Variants in UBXN7 observed in about 807,000 individuals in gnomAD.
UBXN7 encodes the protein UBX domain protein 7, also known as UBX domain-containing protein 7.
UBXN7 carries 9 observed loss-of-function variants against 58.0 expected under a neutral mutation model. The observed-to-expected ratio is 0.16, with a 90% confidence interval of 0.09 to 0.27. UBXN7 has a LOEUF of 0.27. Ranked by LOEUF, UBXN7 falls within the 10% of genes least tolerant of loss-of-function variation. The probability of loss-of-function intolerance (pLI) is 1.00; values close to 1 mark genes in which losing one functional copy is unlikely to be tolerated. For missense variants in UBXN7, 328 were observed against 599.6 expected (o/e 0.55, Z 4.73); for synonymous variants, 208 against 205.0 (o/e 1.01, Z -0.12).
rs1352788179 is a variant in UBXN7 at position 196,432,417 on chromosome 3, C to A, written c.-18G>T. On this transcript the variant is annotated 5_prime_UTR_variant, in exon 1 of 11. Coordinates refer to ENST00000296328, the MANE Select transcript of UBXN7 (RefSeq NM_015562.2). ...GCAGCCATCTTACCGCCGCCGCCGC[C>A]GCCGAACAACAACACAGACACACAC... 1.3e-6 allele frequency: 2 copies of A among 1,580,908 alleles called. No individual in the cohort carries two copies. Among genetic ancestry groups the A allele is most frequent in the Admixed American group, 1.7e-5 (1 of 58,342 alleles).
chr3:196,431,784 C>G (rs745966324), intron 1 of UBXN7: 1 of 441,426 alleles, frequency 2.3e-6, no homozygotes, highest in Admixed American at 2.5e-5. Context: ...CCGAACCCAC[C>G]GGCCTTGCCG....
At chr3:196,422,054 T>C (rs987488247) in intron 1 of UBXN7, among the ~76,000 whole-genome samples, 3 of 149,334 alleles carry the variant, frequency 2.0e-5, no homozygotes, top group Admixed American at 6.7e-5. Flanking sequence ...ACAAAAATTA[T>C]CCAGGCAAGG....
At position 196,360,389 on chromosome 3, in the gene UBXN7, C is replaced by CTG. The variant is rs1174632662; in HGVS notation, c.1308+1453_1308+1454dup. Among the ~76,000 whole-genome samples, 17 of 152,310 alleles carry CTG rather than the reference C, an allele frequency of 1.1e-4. No individual in the cohort carries two copies. In the South Asian group the frequency reaches 1.9e-3, roughly 17 times the overall value. The stretch of plus-strand genomic sequence containing the variant: ...ACTTTCTTGTTAGGGGGTAATGCAG[C>CTG]TGGTGACTTCCAGTTGAAGCCAATG... On this transcript the variant is annotated intron_variant, in intron 10 of 10. Coordinates refer to ENST00000296328, the MANE Select transcript of UBXN7 (RefSeq NM_015562.2).
chr3:196,393,450 A>C (rs1729645687), intron 4 of UBXN7, 104 bp downstream of exon 4: 1 of 1,079,954 alleles, frequency 9.3e-7, no homozygotes, highest in East Asian at 2.5e-5. Context: ...TTCACTTTTT[A>C]AAGAAGGTGA....
intron 10 of UBXN7, among the ~76,000 whole-genome samples, chr3:196,358,764 CAAG>C (rs1283690406): frequency 1.3e-5 from 2 of 151,922 alleles, no homozygotes; most frequent in East Asian, 3.9e-4. Context: ...CCAACAACAA[CAAG>C]ATGACTCACC....
At chr3:196,376,574 G>GAAAAGA (rs1729034412) in intron 5 of UBXN7, among the ~76,000 whole-genome samples, 2 of 131,656 alleles carry the variant, frequency 1.5e-5, no homozygotes, top group African/African-American at 2.8e-5. Context: ...AAAAAGAAAA[G>GAAAAGA]AAAAGAAAAA....
chr3:196,412,361 T>C (rs1232519649), intron 1 of UBXN7, among the ~76,000 whole-genome samples: 2 of 152,092 alleles, frequency 1.3e-5, no homozygotes, highest in African/African-American at 2.4e-5. Context: ...CGCAAATAGT[T>C]GACGGTCAAC....
chr3:196,393,157 G>A (rs1729637567), intron 4 of UBXN7, among the ~76,000 whole-genome samples: 1 of 152,136 alleles, frequency 6.6e-6, no homozygotes, highest in South Asian at 2.1e-4. Context: ...ATTAATAGTG[G>A]CTGCTTTGGG....
At chr3:196,365,718 G>A (rs1426790932) in intron 8 of UBXN7, among the ~76,000 whole-genome samples, 1 of 152,120 alleles carries the variant, frequency 6.6e-6, no homozygotes, top group Non-Finnish European at 1.5e-5. Flanking sequence ...AATGAACTCT[G>A]ACAATATAGT....
At chr3:196,408,062 C>A (rs921315210) in intron 1 of UBXN7, among the ~76,000 whole-genome samples, 6 of 140,882 alleles carry the variant, frequency 4.3e-5, no homozygotes, top group Admixed American at 1.5e-4. Context: ...CACGCCACTG[C>A]ACTCCAGCCT....
chr3:196,384,568 C>A (rs1295249835), intron 5 of UBXN7, among the ~76,000 whole-genome samples: 1 of 151,932 alleles, frequency 6.6e-6, no homozygotes, highest in Admixed American at 6.6e-5. Flanking sequence ...ACTGGCAAAC[C>A]GAATCCAGCA....
chr3:196,413,571 T>TC (rs1560240689), intron 1 of UBXN7, among the ~76,000 whole-genome samples: 1 of 152,060 alleles, frequency 6.6e-6, no homozygotes, highest in Admixed American at 6.6e-5. Flanking sequence ...CCCTTCTTTC[T>TC]CCCCCGAGTG....
intron 8 of UBXN7, among the ~76,000 whole-genome samples, chr3:196,363,930 A>T (rs1053923557): frequency 1.3e-5 from 2 of 152,114 alleles, no homozygotes; most frequent in African/African-American, 4.8e-5. Context: ...TCAAAAAAAA[A>T]AAAAAATCAA....
At chr3:196,377,232 A>G (rs1729057381) in intron 5 of UBXN7, among the ~76,000 whole-genome samples, 1 of 152,052 alleles carries the variant, frequency 6.6e-6, no homozygotes, top group Non-Finnish European at 1.5e-5. Context: ...GGGAAAGAGG[A>G]AAACGTAGGA....
At chr3:196,366,292 GAATTGC>G (rs887414583) in intron 8 of UBXN7, among the ~76,000 whole-genome samples, 15 of 152,110 alleles carry the variant, frequency 9.9e-5, no homozygotes, top group African/African-American at 3.6e-4. Context: ...CAAGGGAGGA[GAATTGC>G]TTGAGCTTAG....
chr3:196,421,785 A>G (rs928999003), intron 1 of UBXN7, among the ~76,000 whole-genome samples: 12 of 152,114 alleles, frequency 7.9e-5, no homozygotes, highest in African/African-American at 2.4e-4. Flanking sequence ...CAAACCAAAA[A>G]AAAAAAAGAT....
intron 5 of UBXN7, 98 bp from the exon 6 acceptor site, chr3:196,372,140 CTAAG>C: frequency 7.2e-7 from 1 of 1,389,098 alleles, no homozygotes; most frequent in Non-Finnish European, 9.6e-7. Flanking sequence ...ATTAAAAATA[CTAAG>C]TTTTTGCCAG....
At chr3:196,421,953 C>CT (rs1303520446) in intron 1 of UBXN7, among the ~76,000 whole-genome samples, 3 of 152,082 alleles carry the variant, frequency 2.0e-5, no homozygotes, top group Non-Finnish European at 4.4e-5. Context: ...AATCCCAACA[C>CT]TTTGGGAGGT....
intron 8 of UBXN7, 122 bp downstream of exon 8, chr3:196,367,905 AG>A: frequency 7.5e-7 from 1 of 1,340,118 alleles, no homozygotes; most frequent in Non-Finnish European, 1.0e-6. Flanking sequence ...AAGATGCTAT[AG>A]CCACAGTGAT....
Sources: allele counts gnomAD v4.1 joint callset (sites outside exome capture counted in the v4.1 genomes callset), GRCh38; gene constraint gnomAD v4.1.1; transcripts MANE v1.5; gene names NCBI Gene and HGNC (gene_info 2026-07-23, HGNC 2026-07-21).